SAMD12: variants seen among roughly 807,000 people sequenced by gnomAD.
The protein encoded by SAMD12 is sterile alpha motif domain-containing protein 12.
Under a neutral mutation model 15.0 loss-of-function variants are expected in SAMD12, and 9 were observed. That is an observed-to-expected ratio of 0.60 (90% CI 0.36 to 1.05). The LOEUF (loss-of-function observed/expected upper bound fraction) is 1.05. Ranked by LOEUF, SAMD12 falls within the 50% of genes least tolerant of loss-of-function variation. SAMD12 has a pLI of 0.01. For missense variants in SAMD12, 230 were observed against 234.2 expected (o/e 0.98, Z 0.12); for synonymous variants, 86 against 90.1 (o/e 0.96, Z 0.25).
intron 3 of SAMD12, among the ~76,000 whole-genome samples, chr8:118,430,898 A>C (rs145750031): frequency 9.8e-4 from 149 of 152,316 alleles, no homozygotes; most frequent in Middle Eastern, 3.4e-3. Context: ...CATTTAAGGT[A>C]ATTATTGATA....
chr8:118,338,068 C>A (rs1010025910), intron 4 of SAMD12, among the ~76,000 whole-genome samples: 3 of 152,150 alleles, frequency 2.0e-5, no homozygotes, highest in Admixed American at 6.5e-5. Context: ...AACAATGTAG[C>A]ACCTATCTAA....
At chr8:118,384,320 C>G (rs1369448380) in intron 3 of SAMD12, among the ~76,000 whole-genome samples, 1 of 152,058 alleles carries the variant, frequency 6.6e-6, no homozygotes, top group Admixed American at 6.6e-5. Flanking sequence ...ATAACTTGGG[C>G]ATGATATCAG....
At chr8:118,266,546 A>T (rs1485366853) in intron 4 of SAMD12, among the ~76,000 whole-genome samples, 1 of 152,192 alleles carries the variant, frequency 6.6e-6, no homozygotes, top group Non-Finnish European at 1.5e-5. Context: ...TCCCATGTTC[A>T]TTGCAGCATT....
the SAMD12 span, among the ~76,000 whole-genome samples, chr8:118,183,107 T>C: frequency 6.6e-6 from 1 of 152,208 alleles, no homozygotes; most frequent in Non-Finnish European, 1.5e-5. Flanking sequence ...GTATTCTCCA[T>C]GAAGACTGGA....
chr8:118,619,478 C>CA (rs33947611), intron 1 of SAMD12, among the ~76,000 whole-genome samples: 64,490 of 112,118 alleles, frequency 0.58, 19,093 homozygotes, highest in East Asian at 0.68. Context: ...GACTCTGTCT[C>CA]AAAAAAAAAA....
intron 3 of SAMD12, among the ~76,000 whole-genome samples, chr8:118,419,579 C>A (rs980588132): frequency 6.6e-6 from 1 of 152,218 alleles, no homozygotes; most frequent in African/African-American, 2.4e-5. Flanking sequence ...GCCATCACTT[C>A]ATCCTTTGCT....
At chr8:118,504,690 T>C (rs1428973109) in intron 2 of SAMD12, among the ~76,000 whole-genome samples, 1 of 152,088 alleles carries the variant, frequency 6.6e-6, no homozygotes, top group Non-Finnish European at 1.5e-5. Context: ...AGTGTCTCTA[T>C]GGGAGAAAGA....
chr8:118,301,925 A>T (rs1227232294), intron 4 of SAMD12, among the ~76,000 whole-genome samples: 1 of 152,130 alleles, frequency 6.6e-6, no homozygotes, highest in East Asian at 1.9e-4. Context: ...GTCACAAAGA[A>T]GGCAAAGATA....
chr8:118,443,384 G>A (rs1822812991), intron 2 of SAMD12, among the ~76,000 whole-genome samples: 1 of 152,136 alleles, frequency 6.6e-6, no homozygotes, highest in African/African-American at 2.4e-5. Flanking sequence ...CTTGAACCTG[G>A]GAGGTGGAGA....
intron 4 of SAMD12, among the ~76,000 whole-genome samples, chr8:118,296,279 C>T (rs943499553): frequency 1.3e-5 from 2 of 152,182 alleles, no homozygotes; most frequent in Non-Finnish European, 2.9e-5. Context: ...ATGCCCTACA[C>T]TTGTTTGTTC....
intron 2 of SAMD12, among the ~76,000 whole-genome samples, chr8:118,578,283 A>T (rs1007516404): frequency 6.6e-6 from 1 of 152,216 alleles, no homozygotes; most frequent in African/African-American, 2.4e-5. Flanking sequence ...TGTCCTGTGA[A>T]TGAACATTCG....
intron 4 of SAMD12, among the ~76,000 whole-genome samples, chr8:118,241,554 C>A (rs150506642): frequency 6.6e-6 from 1 of 152,190 alleles, no homozygotes; most frequent in African/African-American, 2.4e-5. Flanking sequence ...GATGATTATA[C>A]CTTTTTGGAA....
intron 4 of SAMD12, among the ~76,000 whole-genome samples, chr8:118,299,493 A>G (rs1331593123): frequency 1.3e-5 from 2 of 152,190 alleles, no homozygotes; most frequent in Non-Finnish European, 2.9e-5. Context: ...TTCTGTCCCA[A>G]TCAAGATAGG....
At chr8:118,471,055 C>G (rs1367526690) in intron 2 of SAMD12, among the ~76,000 whole-genome samples, 1 of 152,150 alleles carries the variant, frequency 6.6e-6, no homozygotes, top group African/African-American at 2.4e-5. Flanking sequence ...AGGCTTCAGG[C>G]AAATTAGCTG....
chr8:118,340,390 T>A (rs1409823626), intron 4 of SAMD12, among the ~76,000 whole-genome samples: 2 of 152,210 alleles, frequency 1.3e-5, no homozygotes, highest in Admixed American at 1.3e-4. Context: ...TTATTTGCTG[T>A]CTGTATCATT....
rs761372266 is a variant in SAMD12 at position 118,439,961 on chromosome 8, A to G, written c.193T>C (p.Ser65Pro). 4.3e-6 allele frequency: 7 copies of G among 1,613,472 alleles called. No homozygotes were observed. The highest frequency in any genetic ancestry group is 1.7e-5 in the Admixed American group (1 of 59,974). ...GGTTTAGATAGCTTCACCGTAGCTG[A>G]CTATAAATAAAGAAGGAAGATCTGT... is the stretch of plus-strand genomic sequence containing the variant. ...RLQAEAETAK[S>P]ATVKLSKPVA... The change falls in exon 3 of 4, where the codon TCA becomes CCA. Residue 65 changes from serine (S) to proline (P), a missense_variant and splice_region_variant. Transcript: ENST00000314727.
chr8:118,300,190 C>T (rs1029939110), intron 4 of SAMD12, among the ~76,000 whole-genome samples: 1 of 152,048 alleles, frequency 6.6e-6, no homozygotes, highest in African/African-American at 2.4e-5. Flanking sequence ...CTCCTTGTAG[C>T]TATTTGAAAC....
chr8:118,340,864 A>T (rs1693433305), intron 4 of SAMD12, among the ~76,000 whole-genome samples: 1 of 152,230 alleles, frequency 6.6e-6, no homozygotes, highest in Non-Finnish European at 1.5e-5. Flanking sequence ...AGGAGCCAGG[A>T]TGTAAAACAA....
the SAMD12 span, among the ~76,000 whole-genome samples, chr8:118,172,232 T>C: frequency 2.6e-5 from 4 of 152,032 alleles, no homozygotes; most frequent in Non-Finnish European, 4.4e-5. Flanking sequence ...TGTGCACATG[T>C]ACCCTAGAAC....
Sources: allele counts gnomAD v4.1 joint callset (sites outside exome capture counted in the v4.1 genomes callset), GRCh38; gene constraint gnomAD v4.1.1; transcripts MANE v1.5; gene names NCBI Gene and HGNC (gene_info 2026-07-23, HGNC 2026-07-21).